Variants in MID1IP1 observed in about 807,000 individuals in gnomAD.
The protein encoded by MID1IP1 is MID1 interacting protein 1.
MID1IP1 carries 3 observed loss-of-function variants against 6.8 expected under a neutral mutation model. The ratio of observed to expected loss-of-function variants is 0.44; its 90% confidence interval spans 0.20 to 1.14. MID1IP1 has a LOEUF of 1.14. Among genes scored for constraint, MID1IP1 ranks in the 50% most tolerant of loss-of-function variants. The pLI is 0.26. For synonymous variants in MID1IP1, 87 were observed against 70.4 expected (o/e 1.24, Z -1.18); for missense variants, 127 against 158.4 (o/e 0.80, Z 1.06).
At position 38,805,577 on chromosome X, in the gene MID1IP1, T is replaced by C. The variant is rs78591831; in HGVS notation, c.*79T>C. The C allele has an allele frequency of 4.0e-5, 34 of 855,512 alleles. No homozygotes were observed. The South Asian group carries it at 5.8e-4, about 15-fold the overall frequency. The allele number at this position is 855,512 out of a possible 1,213,427, so 70.5% of individuals were successfully genotyped here. A position where few individuals can be genotyped will look rare whatever the true frequency, so the allele number is the denominator to read the frequency against. ...CATTCCTCAAAGCTTTTTTTTTTTTTCCTGGCTGGGGGGCGGGAAGGGCAG... is the reference window on the plus strand; with the variant it reads ...CATTCCTCAAAGCTTTTTTTTTTTTCCCTGGCTGGGGGGCGGGAAGGGCAG... On this transcript the variant is annotated 3_prime_UTR_variant, in exon 3 of 3. Transcript: ENST00000614558.
rs1337864051 is a variant in MID1IP1 at position 38,802,535 on chromosome X, A to G, written c.-2143A>G. ...TGTTTTGTTTGTTTTTTGTCAACAG[A>G]TTAGTCCTTGTGGCACCAAGTCAGA... On this transcript the variant is annotated splice_region_variant and 5_prime_UTR_variant, in exon 2 of 3. Coordinates refer to ENST00000614558, the MANE Select transcript of MID1IP1 (RefSeq NM_021242.6). 8.9e-6 allele frequency: 1 copy of G among 112,202 alleles called. No individual in the cohort carries two copies. Among genetic ancestry groups the G allele is most frequent in the Non-Finnish European group, 1.9e-5 (1 of 53,246 alleles). The allele number at this position is 112,202 out of a possible 1,213,427, so 9.2% of individuals were successfully genotyped here.
chrX:38,805,051 C>T lies in MID1IP1; in HGVS notation c.105C>T (p.Pro35=). The T allele has an allele frequency of 1.7e-6, 2 of 1,211,713 alleles. No homozygotes were observed. The highest frequency in any genetic ancestry group is 2.2e-6 in the Non-Finnish European group (2 of 895,298). Residue 35 remains proline, a synonymous_variant, in exon 3 of 3, where the codon CCC becomes CCT. Coordinates refer to ENST00000614558, the MANE Select transcript of MID1IP1 (RefSeq NM_021242.6). The part of the protein sequence containing the change: ...VNNMDQTVMV[P]SLLRDVPLAD... ...ACATGGACCAGACGGTGATGGTGCCCAGCTTGCTGCGCGACGTGCCCCTGG... is the reference window on the plus strand; with the variant it reads ...ACATGGACCAGACGGTGATGGTGCCTAGCTTGCTGCGCGACGTGCCCCTGG...
Position 38,805,762 on chromosome X carries a change from G to A in MID1IP1, c.*264G>A, listed in dbSNP as rs1016173350. On this transcript the variant is annotated 3_prime_UTR_variant, in exon 3 of 3. Transcript: ENST00000614558. The stretch of plus-strand genomic sequence containing the variant: ...TTCTATGTTGGTGGGAATGGGACTG[G>A]GCTGACGCCCTGCATTCAGCCTGTG... 5 of 410,108 alleles carry A rather than the reference G, an allele frequency of 1.2e-5. No homozygotes were observed. Among genetic ancestry groups the A allele is most frequent in the Non-Finnish European group, 2.2e-5 (5 of 230,270 alleles). The allele number at this position is 410,108 out of a possible 1,213,427, so 33.8% of individuals were successfully genotyped here. A position where few individuals can be genotyped will look rare whatever the true frequency, so the allele number is the denominator to read the frequency against.
In MID1IP1 at chrX:38,805,694, G is replaced by A. The variant is rs2070512451; in HGVS notation, c.*196G>A. Reference sequence around the variant, plus strand: ...TGTGAGAGAGAAGAAAATGGTGGCCGGAGATGGGAGGGCCCAAGGAACCTC... The same window carrying A: ...TGTGAGAGAGAAGAAAATGGTGGCCAGAGATGGGAGGGCCCAAGGAACCTC... On this transcript the variant is annotated 3_prime_UTR_variant, in exon 3 of 3. Transcript: ENST00000614558. The A allele has an allele frequency of 2.1e-6, 1 of 465,185 alleles. No individual in the cohort carries two copies. The highest frequency in any genetic ancestry group is 3.8e-6 in the Non-Finnish European group (1 of 264,274). 38.3% of individuals were successfully genotyped at this position (465,185 alleles called of 1,213,427 possible).
chrX:38,804,641 T>G, intron 2 of MID1IP1, 42 bp from the exon 3 acceptor site: 1 of 247,794 alleles, frequency 4.0e-6, no homozygotes, highest in Non-Finnish European at 7.2e-6. Flanking sequence ...CCTAGCAGGG[T>G]GAATAATCTA....
In MID1IP1 at chrX:38,804,844, C is replaced by T; in HGVS notation, c.-103C>T. On this transcript the variant is annotated 5_prime_UTR_variant, in exon 3 of 3. Coordinates refer to ENST00000614558, the MANE Select transcript of MID1IP1 (RefSeq NM_021242.6). ...CGCCACACCGGCTATAGCCAGGCCC[C>T]CAGCGCGGGCCTTGGAGAGCGCGTG... is the stretch of plus-strand genomic sequence containing the variant. The T allele has an allele frequency of 1.1e-6, 1 of 874,643 alleles. No homozygotes were observed. The highest frequency in any genetic ancestry group is 1.6e-6 in the Non-Finnish European group (1 of 639,466). 72.1% of individuals were successfully genotyped at this position (874,643 alleles called of 1,213,427 possible).
rs1461445712 is a variant in MID1IP1 at position 38,804,902 on chromosome X, C to A, written c.-45C>A. 2 of 1,143,279 alleles carry A rather than the reference C, an allele frequency of 1.7e-6. No homozygotes were observed. Among genetic ancestry groups the A allele is most frequent in the Middle Eastern group, 2.5e-4 (1 of 4,066 alleles). 94.2% of individuals were successfully genotyped at this position (1,143,279 alleles called of 1,213,427 possible). On this transcript the variant is annotated 5_prime_UTR_variant, in exon 3 of 3. Transcript: ENST00000614558. Reference sequence around the variant, plus strand: ...GCATCCCCTTGACCCGGCCGACCATCCCCGTGCCCCTGCGTCCCTGCGCTC... The same window carrying A: ...GCATCCCCTTGACCCGGCCGACCATACCCGTGCCCCTGCGTCCCTGCGCTC...
chrX:38,805,042 G>A lies in MID1IP1; in HGVS notation c.96G>A (p.Val32=), dbSNP rs756537342. The A allele has an allele frequency of 5.8e-6, 7 of 1,211,817 alleles. No homozygotes were observed. The highest frequency in any genetic ancestry group is 7.8e-6 in the Non-Finnish European group (7 of 895,315). Residue 32 remains valine, a synonymous_variant, in exon 3 of 3, where the codon GTG becomes GTA. Coordinates refer to ENST00000614558, the MANE Select transcript of MID1IP1 (RefSeq NM_021242.6). Reference sequence around the variant, plus strand: ...CCGTGAACAACATGGACCAGACGGTGATGGTGCCCAGCTTGCTGCGCGACG... The same window carrying A: ...CCGTGAACAACATGGACCAGACGGTAATGGTGCCCAGCTTGCTGCGCGACG... ...IGAVNNMDQT[V]MVPSLLRDVP... is the part of the protein sequence containing the mutation.
In MID1IP1 at chrX:38,804,276, G is replaced by C. The variant is rs2070490110; in HGVS notation, c.-402G>C. 2 of 113,744 alleles carry C rather than the reference G, an allele frequency of 1.8e-5. No individual in the cohort carries two copies. Among genetic ancestry groups the C allele is most frequent in the Admixed American group, 1.8e-4 (2 of 10,907 alleles). 9.4% of individuals were successfully genotyped at this position (113,744 alleles called of 1,213,427 possible). A position where few individuals can be genotyped will look rare whatever the true frequency, so the allele number is the denominator to read the frequency against. ...GACTATAAATTGAGCACCTGGGATG[G>C]GTAGGGGGCCAACGCAGTCACCGCC... On this transcript the variant is annotated 5_prime_UTR_variant, in exon 2 of 3. Coordinates refer to ENST00000614558, the MANE Select transcript of MID1IP1 (RefSeq NM_021242.6).
rs758944294 is a variant in MID1IP1, at chrX:38,804,179, C to T, written c.-499C>T. On this transcript the variant is annotated 5_prime_UTR_variant, in exon 2 of 3. Coordinates refer to ENST00000614558, the MANE Select transcript of MID1IP1 (RefSeq NM_021242.6). ...GGTCATCCCGGCCTGGGCCTTTTAT[C>T]TCGGTGCTGCCGGGGGAGGCGGGAG... The T allele has an allele frequency of 3.2e-3, 366 of 113,232 alleles. 3 individuals carry two copies. Among genetic ancestry groups the T allele is most frequent in the Middle Eastern group, 0.014 (3 of 220 alleles). 9.3% of individuals were successfully genotyped at this position (113,232 alleles called of 1,213,427 possible).
Position 38,804,088 on chromosome X carries a change from G to C in MID1IP1, c.-590G>C, listed in dbSNP as rs2070487031. 1 of 113,165 alleles carries C rather than the reference G, an allele frequency of 8.8e-6. No individual in the cohort carries two copies. Among genetic ancestry groups the C allele is most frequent in the Non-Finnish European group, 1.9e-5 (1 of 53,673 alleles). The allele number at this position is 113,165 out of a possible 1,213,427, so 9.3% of individuals were successfully genotyped here. On this transcript the variant is annotated 5_prime_UTR_variant, in exon 2 of 3. Transcript: ENST00000614558. The stretch of plus-strand genomic sequence containing the variant: ...CCCTCCCTCAGCCCGGGTATCAGGC[G>C]AGAGGCGGAGCTGGCCCGGCGCGCC...
chrX:38,805,390 C>T lies in MID1IP1; in HGVS notation c.444C>T (p.His148=), dbSNP rs766530536. 4 of 1,205,333 alleles carry T rather than the reference C, an allele frequency of 3.3e-6. No homozygotes were observed. The East Asian group carries it at 1.2e-4, about 36-fold the overall frequency. Residue 148 remains histidine (H), a synonymous_variant, in exon 3 of 3, where the codon CAC becomes CAT. Coordinates refer to ENST00000614558, the MANE Select transcript of MID1IP1 (RefSeq NM_021242.6). ...AGEEDLEQQF[H]YHLRGLHTVL... ...AAGAAGACCTGGAACAGCAGTTCCA[C>T]TACCACCTGCGCGGGCTGCACACTG...
rs2070471747 is a variant in MID1IP1 at position 38,802,994 on chromosome X, G to C, written c.-1684G>C. On this transcript the variant is annotated 5_prime_UTR_variant, in exon 2 of 3. Transcript: ENST00000614558. ...GAACCCCTGACTTTGTGATCCGCCC[G>C]CCTCGGCCTCCCAAAGTGCTGGGAT... 1 of 112,250 alleles carries C rather than the reference G, an allele frequency of 8.9e-6. No individual in the cohort carries two copies. The highest frequency in any genetic ancestry group is 1.9e-5 in the Non-Finnish European group (1 of 53,282). The allele number at this position is 112,250 out of a possible 1,213,427, so 9.3% of individuals were successfully genotyped here.
At position 38,805,441 on chromosome X, in the gene MID1IP1, C is replaced by T. The variant is rs1208448261; in HGVS notation, c.495C>T (p.Ala165=). ...HTVLSKLTRK[A]NILTNRYKQE... ...TGCTCTCGAAACTCACGCGCAAAGCCAACATCCTCACTAACAGATACAAGC... is the reference window on the plus strand; with the variant it reads ...TGCTCTCGAAACTCACGCGCAAAGCTAACATCCTCACTAACAGATACAAGC... Residue 165 remains alanine, a synonymous_variant, in exon 3 of 3, where the codon GCC becomes GCT. Coordinates refer to ENST00000614558, the MANE Select transcript of MID1IP1 (RefSeq NM_021242.6). 5 of 1,206,527 alleles carry T rather than the reference C, an allele frequency of 4.1e-6. No homozygotes were observed. The highest frequency in any genetic ancestry group is 5.6e-6 in the Non-Finnish European group (5 of 894,557).
At position 38,804,916 on chromosome X, in the gene MID1IP1, G is replaced by T; in HGVS notation, c.-31G>T. On this transcript the variant is annotated 5_prime_UTR_variant, in exon 3 of 3. Transcript: ENST00000614558. Reference sequence around the variant, plus strand: ...CGGCCGACCATCCCCGTGCCCCTGCGTCCCTGCGCTCCAACGTCCGCGCGG... The same window carrying T: ...CGGCCGACCATCCCCGTGCCCCTGCTTCCCTGCGCTCCAACGTCCGCGCGG... The T allele has an allele frequency of 8.7e-7, 1 of 1,154,930 alleles. No individual in the cohort carries two copies.
At chrX:38,804,466 G>A (rs1305567581) in intron 2 of MID1IP1, 53 bp downstream of exon 2, 2 of 97,950 alleles carry the variant, frequency 2.0e-5, no homozygotes, top group East Asian at 3.0e-4. Context: ...CTTGAGCTCA[G>A]GCTTTTCGGA....
Position 38,805,784 on chromosome X carries a change from T to C in MID1IP1, c.*286T>C. The C allele has an allele frequency of 2.7e-6, 1 of 365,070 alleles. No homozygotes were observed. The highest frequency in any genetic ancestry group is 4.9e-6 in the Non-Finnish European group (1 of 204,549). The allele number at this position is 365,070 out of a possible 1,213,427, so 30.1% of individuals were successfully genotyped here. A position where few individuals can be genotyped will look rare whatever the true frequency, so the allele number is the denominator to read the frequency against. ...CTGGGCTGACGCCCTGCATTCAGCC[T>C]GTGCCTTTCCTGGGGTTTCTTTTCT... On this transcript the variant is annotated 3_prime_UTR_variant, in exon 3 of 3. Transcript: ENST00000614558.
chrX:38,804,917 T>C lies in MID1IP1; in HGVS notation c.-30T>C. On this transcript the variant is annotated 5_prime_UTR_variant, in exon 3 of 3. Coordinates refer to ENST00000614558, the MANE Select transcript of MID1IP1 (RefSeq NM_021242.6). ...GGCCGACCATCCCCGTGCCCCTGCG[T>C]CCCTGCGCTCCAACGTCCGCGCGGC... 1 of 1,156,506 alleles carries C rather than the reference T, an allele frequency of 8.6e-7. No individual in the cohort carries two copies. The highest frequency in any genetic ancestry group is 2.0e-5 in the South Asian group (1 of 49,583).
Position 38,805,442 on chromosome X carries a change from A to G in MID1IP1, c.496A>G (p.Asn166Asp). ...GCTCTCGAAACTCACGCGCAAAGCCAACATCCTCACTAACAGATACAAGCA... is the reference window on the plus strand; with the variant it reads ...GCTCTCGAAACTCACGCGCAAAGCCGACATCCTCACTAACAGATACAAGCA... ...TVLSKLTRKA[N>D]ILTNRYKQEI... The change falls in exon 3 of 3, where the codon AAC becomes GAC. Residue 166 changes from asparagine (N) to aspartate (D), a missense_variant. By Grantham distance (23) the Asn-to-Asp change is conservative. Coordinates refer to ENST00000614558, the MANE Select transcript of MID1IP1 (RefSeq NM_021242.6). 1 of 1,209,874 alleles carries G rather than the reference A, an allele frequency of 8.3e-7. No homozygotes were observed. The highest frequency in any genetic ancestry group is 1.1e-6 in the Non-Finnish European group (1 of 895,170).
Sources: gnomAD v4.1 joint callset for allele counts on GRCh38, gnomAD v4.1.1 for gene constraint, MANE v1.5 for transcripts, NCBI Gene and HGNC (gene_info 2026-07-23, HGNC 2026-07-21) for gene names.